Variants in PRKCB observed in about 807,000 individuals in gnomAD.
PRKCB encodes protein kinase C beta.
In PRKCB, 13 loss-of-function variants were observed where a neutral mutation model predicts 81.5. That is an observed-to-expected ratio of 0.16 (90% CI 0.10 to 0.25). The LOEUF (loss-of-function observed/expected upper bound fraction) is 0.25. Among genes scored for constraint, PRKCB ranks in the 10% least tolerant of loss-of-function variants. The pLI, the probability that PRKCB is intolerant of heterozygous loss-of-function variation, is 1.00. For missense variants in PRKCB, 509 were observed against 875.7 expected (o/e 0.58, Z 5.29); for synonymous variants, 335 against 321.4 (o/e 1.04, Z -0.45).
At chr16:23,929,957 G>A (rs751213756) in intron 2 of PRKCB, among the ~76,000 whole-genome samples, 8 of 151,808 alleles carry the variant, frequency 5.3e-5, no homozygotes, top group African/African-American at 1.7e-4. Context: ...CGGGACCCCC[G>A]AAAAAATCTT....
intron 2 of PRKCB, among the ~76,000 whole-genome samples, chr16:23,906,920 G>A (rs899154490): frequency 1.3e-5 from 2 of 152,114 alleles, no homozygotes; most frequent in Non-Finnish European, 1.5e-5. Context: ...ATCCTGACCT[G>A]AAGGATAACC....
At chr16:24,181,057 ACTCTAAATCCTCC>A in intron 13 of PRKCB, 129 bp downstream of exon 13, 1 of 1,185,886 alleles carries the variant, frequency 8.4e-7, no homozygotes, top group Non-Finnish European at 1.2e-6. Flanking sequence ...CTTATTCTAT[ACTCTAAATCCTCC>A]CTTTGAGATC....
At chr16:23,957,045 C>T (rs1964359209) in intron 2 of PRKCB, among the ~76,000 whole-genome samples, 12 of 146,136 alleles carry the variant, frequency 8.2e-5, no homozygotes, top group Admixed American at 8.2e-4. Context: ...CTTCTGTAAC[C>T]TTGAGTGAGG....
intron 2 of PRKCB, among the ~76,000 whole-genome samples, chr16:23,973,453 G>A (rs1389427754): frequency 1.3e-5 from 2 of 151,854 alleles, no homozygotes; most frequent in Non-Finnish European, 2.9e-5. Context: ...AAAGTGCTGG[G>A]ATTACAGGCG....
At chr16:24,012,029 C>T (rs1596510731) in intron 3 of PRKCB, among the ~76,000 whole-genome samples, 2 of 152,284 alleles carry the variant, frequency 1.3e-5, no homozygotes, top group Non-Finnish European at 2.9e-5. Context: ...CTCAGCCTTT[C>T]CTCATGAAAC....
intron 2 of PRKCB, among the ~76,000 whole-genome samples, chr16:23,917,373 G>A (rs771103351): frequency 2.0e-5 from 3 of 152,276 alleles, no homozygotes; most frequent in East Asian, 1.9e-4. Flanking sequence ...CACCACGCCC[G>A]GCCACCTCAT....
chr16:23,845,116 C>A (rs1476691157), intron 2 of PRKCB, among the ~76,000 whole-genome samples: 1 of 152,100 alleles, frequency 6.6e-6, no homozygotes, highest in East Asian at 1.9e-4. Flanking sequence ...TGATTAAGTT[C>A]TATGTGTCAA....
intron 11 of PRKCB, among the ~76,000 whole-genome samples, chr16:24,172,881 A>G (rs1382959851): frequency 6.6e-6 from 1 of 152,200 alleles, no homozygotes; most frequent in Non-Finnish European, 1.5e-5. Context: ...TTTATTGAGA[A>G]CTTACTATAA....
chr16:23,859,911 G>A (rs1000539244), intron 2 of PRKCB, among the ~76,000 whole-genome samples: 2 of 151,876 alleles, frequency 1.3e-5, no homozygotes, highest in Admixed American at 1.3e-4. Context: ...GAGAGAGAGC[G>A]AGAGAGTTGT....
At chr16:24,120,415 G>A (rs1396146306) in intron 8 of PRKCB, among the ~76,000 whole-genome samples, 2 of 152,192 alleles carry the variant, frequency 1.3e-5, no homozygotes, top group African/African-American at 4.8e-5. Flanking sequence ...GGTAACAGTG[G>A]AATATGCACC....
At chr16:23,861,731 A>C (rs747445519) in intron 2 of PRKCB, among the ~76,000 whole-genome samples, 2 of 152,152 alleles carry the variant, frequency 1.3e-5, no homozygotes, top group African/African-American at 4.8e-5. Flanking sequence ...TCACATTTGC[A>C]TGTGGTGCTT....
chr16:23,938,177 A>G lies in PRKCB; in HGVS notation c.206-50331A>G, dbSNP rs138011669. ...TCTGGCAGACACAGGGCCTGGATAT[A>G]TCTTTCCAAAGAATAACCCAGTACT... On this transcript the variant is annotated intron_variant, in intron 2 of 16. Coordinates refer to ENST00000643927, the MANE Select transcript of PRKCB (RefSeq NM_002738.7). 2.8e-4 allele frequency among the ~76,000 whole-genome samples: 42 copies of G among 152,338 alleles called. 1 individual carries two copies. The highest frequency in any genetic ancestry group is 8.2e-4 in the African/African-American group (34 of 41,580).
chr16:24,217,209 A>G lies in PRKCB; in HGVS notation c.*2393A>G. 1 of 985,180 alleles carries G rather than the reference A, an allele frequency of 1.0e-6. No individual in the cohort carries two copies. Among genetic ancestry groups the G allele is most frequent in the Non-Finnish European group, 1.2e-6 (1 of 829,840 alleles). The allele number at this position is 985,180 out of a possible 1,614,324, so 61.0% of individuals were successfully genotyped here. ...ATATAGTGTTATAAATACTGCACTC[A>G]ACATTTTCCAAATTCTTGCCATTAT... On this transcript the variant is annotated 3_prime_UTR_variant, in exon 17 of 17. Coordinates refer to ENST00000643927, the MANE Select transcript of PRKCB (RefSeq NM_002738.7).
intron 7 of PRKCB, among the ~76,000 whole-genome samples, chr16:24,107,219 A>G (rs1232108064): frequency 1.3e-5 from 2 of 152,212 alleles, no homozygotes; most frequent in Admixed American, 1.3e-4. Context: ...TCTCACTGCA[A>G]ATATGAATTA....
In PRKCB at chr16:24,217,080, T is replaced by G; in HGVS notation, c.*2264T>G. On this transcript the variant is annotated 3_prime_UTR_variant, in exon 17 of 17. Coordinates refer to ENST00000643927, the MANE Select transcript of PRKCB (RefSeq NM_002738.7). ...ACTTTAGAAAACAATGTAGGATGAA[T>G]GGAAAGAGAAAGAAAGGAAAGAAAG... 1.0e-6 allele frequency: 1 copy of G among 954,396 alleles called. No homozygotes were observed. The allele number at this position is 954,396 out of a possible 1,614,324, so 59.1% of individuals were successfully genotyped here.
At position 24,116,645 on chromosome 16, in the gene PRKCB, AG is replaced by A. The variant is rs1254528098; in HGVS notation, c.918+3577del. Reference sequence around the variant, plus strand: ...ACTCAAGCCCAAGTGAACTGAAAAAAGAACCTTCCCTCCAAGTAGAACTAAA... The same window carrying A: ...ACTCAAGCCCAAGTGAACTGAAAAAAAACCTTCCCTCCAAGTAGAACTAAA... On this transcript the variant is annotated intron_variant, in intron 8 of 16. Transcript: ENST00000643927. 3.3e-5 allele frequency among the ~76,000 whole-genome samples: 5 copies of A among 152,228 alleles called. No homozygotes were observed. In the East Asian group the frequency reaches 9.6e-4, roughly 29 times the overall value.
intron 2 of PRKCB, among the ~76,000 whole-genome samples, chr16:23,877,917 T>G (rs912957077): frequency 6.6e-6 from 1 of 151,170 alleles, no homozygotes; most frequent in South Asian, 2.1e-4. Flanking sequence ...CACCGCAACC[T>G]CCGCCTCCCA....
At chr16:23,950,768 G>A (rs1261176226) in intron 2 of PRKCB, among the ~76,000 whole-genome samples, 5 of 152,200 alleles carry the variant, frequency 3.3e-5, no homozygotes, top group African/African-American at 1.2e-4. Context: ...TTTCACTTTA[G>A]CAAGTGAAAC....
intron 2 of PRKCB, among the ~76,000 whole-genome samples, chr16:23,974,840 C>G (rs747966094): frequency 6.6e-6 from 1 of 152,054 alleles, no homozygotes; most frequent in East Asian, 1.9e-4. Context: ...GTGGCAGGAG[C>G]GAATGGATGA....
Sources: allele counts gnomAD v4.1 joint callset (sites outside exome capture counted in the v4.1 genomes callset), GRCh38; gene constraint gnomAD v4.1.1; transcripts MANE v1.5; gene names NCBI Gene and HGNC (gene_info 2026-07-23, HGNC 2026-07-21).